KCNK2: variants seen among roughly 807,000 people sequenced by gnomAD.
KCNK2 encodes potassium two pore domain channel subfamily K member 2.
Under a neutral mutation model 40.5 loss-of-function variants are expected in KCNK2, and 21 were observed. That is an observed-to-expected ratio of 0.52 (90% confidence interval 0.37 to 0.75). KCNK2 has a LOEUF of 0.75. KCNK2 is among the 30% of genes least tolerant of loss of function. KCNK2 has a pLI of 0.00. For missense variants in KCNK2, 399 were observed against 531.6 expected (o/e 0.75, Z 2.45); for synonymous variants, 191 against 202.2 (o/e 0.94, Z 0.47).
intron 3 of KCNK2, among the ~76,000 whole-genome samples, chr1:215,162,525 G>A (rs1349026608): frequency 1.3e-5 from 2 of 152,094 alleles, no homozygotes; most frequent in African/African-American, 2.4e-5. Flanking sequence ...TATTGCCTAG[G>A]TTTTCTTCTA....
At position 215,075,375 on chromosome 1, in the gene KCNK2, T is replaced by G. The variant is rs916725054; in HGVS notation, c.35-10993T>G. Among the ~76,000 whole-genome samples, 8 of 152,272 alleles carry G rather than the reference T, an allele frequency of 5.3e-5. No individual in the cohort carries two copies. The South Asian group carries it at 8.3e-4, about 16-fold the overall frequency. On this transcript the variant is annotated intron_variant, in intron 1 of 6. Transcript: ENST00000391895. ...ATGGTAAAGTAACATTTAAAAAAAT[T>G]TCAGGGTGAGGCACTTTAATTTGAA...
At chr1:215,107,158 T>G (rs949174252) in intron 2 of KCNK2, among the ~76,000 whole-genome samples, 5 of 152,106 alleles carry the variant, frequency 3.3e-5, no homozygotes, top group African/African-American at 1.2e-4. Context: ...GGAATAATGT[T>G]GAATTTATAG....
intron 1 of KCNK2, chr1:215,006,097 C>G (rs1430073727): frequency 2.9e-6 from 2 of 694,262 alleles, no homozygotes; most frequent in African/African-American, 3.6e-5. Flanking sequence ...GTGGTTCCAA[C>G]AGAGGGTTAG....
chr1:215,136,015 T>C (rs1318064436), intron 3 of KCNK2, among the ~76,000 whole-genome samples: 2 of 152,108 alleles, frequency 1.3e-5, no homozygotes, highest in African/African-American at 4.8e-5. Flanking sequence ...TTACAGGCGT[T>C]AGCCACCGTG....
intron 1 of KCNK2, among the ~76,000 whole-genome samples, chr1:215,055,597 T>A (rs1200428176): frequency 6.6e-6 from 1 of 152,210 alleles, no homozygotes; most frequent in African/African-American, 2.4e-5. Flanking sequence ...CTTCCTATAT[T>A]CTTTAAGGTC....
chr1:215,156,331 T>G (rs1051657418), intron 3 of KCNK2, among the ~76,000 whole-genome samples: 4 of 152,152 alleles, frequency 2.6e-5, no homozygotes, highest in Admixed American at 2.6e-4. Flanking sequence ...CCGCTTGCAG[T>G]GAACTTAACA....
chr1:215,102,852 G>C (rs1390157025), intron 2 of KCNK2, among the ~76,000 whole-genome samples: 2 of 151,980 alleles, frequency 1.3e-5, no homozygotes, highest in African/African-American at 2.4e-5. Context: ...GCGTGTAGTA[G>C]GCTATGCCAT....
At chr1:215,046,498 G>A (rs945729535) in intron 1 of KCNK2, among the ~76,000 whole-genome samples, 1 of 151,956 alleles carries the variant, frequency 6.6e-6, no homozygotes, top group Non-Finnish European at 1.5e-5. Context: ...TCATTTTGTT[G>A]CTTGTACTTT....
intron 6 of KCNK2, among the ~76,000 whole-genome samples, chr1:215,225,890 G>A (rs779073984): frequency 6.6e-6 from 1 of 152,170 alleles, no homozygotes; most frequent in Non-Finnish European, 1.5e-5. Flanking sequence ...AATTGGCCAC[G>A]TAGCTGACTG....
At chr1:215,055,693 C>T (rs532346176) in intron 1 of KCNK2, among the ~76,000 whole-genome samples, 1 of 152,318 alleles carries the variant, frequency 6.6e-6, no homozygotes, top group African/African-American at 2.4e-5. Context: ...CATGGCAGTT[C>T]AAACGCTTTG....
At chr1:215,109,996 C>G (rs1315416847) in intron 2 of KCNK2, among the ~76,000 whole-genome samples, 1 of 151,854 alleles carries the variant, frequency 6.6e-6, no homozygotes, top group African/African-American at 2.4e-5. Context: ...TTTTGTATAC[C>G]TGCTGGCCAT....
At chr1:215,069,644 G>T (rs1210863734) in intron 1 of KCNK2, among the ~76,000 whole-genome samples, 1 of 149,852 alleles carries the variant, frequency 6.7e-6, no homozygotes, top group Non-Finnish European at 1.5e-5. Context: ...AACTTTTTGG[G>T]GTCTCATTAA....
At chr1:215,037,384 T>A (rs1042721095) in intron 1 of KCNK2, among the ~76,000 whole-genome samples, 55 of 151,968 alleles carry the variant, frequency 3.6e-4, no homozygotes, top group Admixed American at 3.0e-3. Context: ...AAAGTCTGAT[T>A]GGTTGTGATG....
At chr1:215,088,201 G>A (rs1486729207) in intron 2 of KCNK2, among the ~76,000 whole-genome samples, 3 of 151,848 alleles carry the variant, frequency 2.0e-5, no homozygotes, top group African/African-American at 7.3e-5. Flanking sequence ...CACTTCCCTC[G>A]GTTTCTGAAG....
chr1:215,090,375 T>C (rs943324268), intron 2 of KCNK2, among the ~76,000 whole-genome samples: 3 of 152,194 alleles, frequency 2.0e-5, no homozygotes, highest in Non-Finnish European at 4.4e-5. Context: ...CTCTAGCACT[T>C]ACTTCTGGTA....
intron 1 of KCNK2, among the ~76,000 whole-genome samples, chr1:215,049,558 A>T (rs1657909823): frequency 1.3e-5 from 2 of 152,142 alleles, no homozygotes; most frequent in African/African-American, 4.8e-5. Context: ...CAAGTCAAAT[A>T]ACCCTTTTCA....
chr1:215,203,178 A>G (rs960147795), intron 6 of KCNK2, among the ~76,000 whole-genome samples: 1 of 152,204 alleles, frequency 6.6e-6, no homozygotes, highest in Non-Finnish European at 1.5e-5. Context: ...TATGGTATAG[A>G]TCAGTGAAAT....
At chr1:215,073,849 C>T (rs1168415785) in intron 1 of KCNK2, among the ~76,000 whole-genome samples, 1 of 152,108 alleles carries the variant, frequency 6.6e-6, no homozygotes. Flanking sequence ...TATTATGATT[C>T]CTGTTCTTGT....
chr1:215,177,039 C>G (rs1481491732), intron 5 of KCNK2, among the ~76,000 whole-genome samples: 1 of 152,064 alleles, frequency 6.6e-6, no homozygotes, highest in East Asian at 1.9e-4. Flanking sequence ...TTCTGACTGG[C>G]ATGGAATGGT....
Sources: gnomAD v4.1 joint callset for allele counts (sites outside exome capture counted in the v4.1 genomes callset) on GRCh38, gnomAD v4.1.1 for gene constraint, MANE v1.5 for transcripts, NCBI Gene and HGNC (gene_info 2026-07-23, HGNC 2026-07-21) for gene names.